ZBTB40: variants seen among roughly 807,000 people sequenced by gnomAD.
ZBTB40 encodes zinc finger and BTB domain-containing protein 40.
A neutral mutation model predicts 117.5 loss-of-function variants in ZBTB40; 60 were observed. That is an observed-to-expected ratio of 0.51 (90% CI 0.41 to 0.63). The LOEUF is 0.63. Among genes scored for constraint, ZBTB40 ranks in the 30% least tolerant of loss-of-function variants. ZBTB40 has a pLI of 0.00. For missense variants in ZBTB40, 1,287 were observed against 1,498.5 expected, an observed-to-expected ratio of 0.86 and a Z score of 2.33; for synonymous variants, 525 against 577.1, an observed-to-expected ratio of 0.91 and a Z score of 1.29.
At chr1:22,442,304 A>AAG (rs1293120155) in intron 1 of ZBTB40, among the ~76,000 whole-genome samples, 2 of 152,148 alleles carry the variant, frequency 1.3e-5, no homozygotes, top group African/African-American at 4.8e-5. Context: ...GAGAAAGGAC[A>AAG]AGAGAGAGAG....
Position 22,513,684 on chromosome 1 carries a change from G to C in ZBTB40, c.2668+554G>C, listed in dbSNP as rs146003479. ...CCACTGCACTCCAGCCTGGGCAACAGAGTGAGACTCCGTCTCAAAAATAAT... is the reference window on the plus strand; with the variant it reads ...CCACTGCACTCCAGCCTGGGCAACACAGTGAGACTCCGTCTCAAAAATAAT... On this transcript the variant is annotated intron_variant, in intron 12 of 17. Coordinates refer to ENST00000375647, the MANE Select transcript of ZBTB40 (RefSeq NM_014870.4). This position sits in a 1 kb window ranked among gnomAD's most constrained non-coding sequence, Gnocchi z 4.9. Among the ~76,000 whole-genome samples, 59 of 152,276 alleles carry C rather than the reference G, an allele frequency of 3.9e-4. No homozygotes were observed. In the East Asian group the frequency reaches 0.011, roughly 28 times the overall value.
Position 22,490,647 on chromosome 1 carries a change from T to G in ZBTB40, c.697+2T>G. On this transcript the variant is annotated splice_donor_variant, in intron 2 of 17. Coordinates refer to ENST00000375647, the MANE Select transcript of ZBTB40 (RefSeq NM_014870.4). LOFTEE classifies it high-confidence loss of function. ...CAAAGAAGACAAGCACAGAACCAGGTAACAGTCATTGTTTTATATTCCATC... is the reference window on the plus strand; with the variant it reads ...CAAAGAAGACAAGCACAGAACCAGGGAACAGTCATTGTTTTATATTCCATC... 1.2e-6 allele frequency: 2 copies of G among 1,612,592 alleles called. No homozygotes were observed. Among genetic ancestry groups the G allele is most frequent in the Non-Finnish European group, 1.7e-6 (2 of 1,179,694 alleles).
intron 13 of ZBTB40, among the ~76,000 whole-genome samples, chr1:22,519,118 C>G (rs1225404302): frequency 6.6e-6 from 1 of 152,188 alleles, no homozygotes; most frequent in East Asian, 1.9e-4. Flanking sequence ...CACAGGGAAA[C>G]TAGTTAGTGA....
chr1:22,476,962 T>A (rs1032486422), intron 1 of ZBTB40, among the ~76,000 whole-genome samples: 1 of 152,194 alleles, frequency 6.6e-6, no homozygotes, highest in African/African-American at 2.4e-5. Context: ...CCACATGACA[T>A]CTAGTGCTAT....
rs1639801782 is a variant in ZBTB40, at chr1:22,530,495, A to G, written c.*4099A>G. Reference sequence around the variant, plus strand: ...GGGACTACATTGCTGAAGGAAAAAAATCACTCCCTGGCTAATTAAGATTGC... The same window carrying G: ...GGGACTACATTGCTGAAGGAAAAAAGTCACTCCCTGGCTAATTAAGATTGC... On this transcript the variant is annotated 3_prime_UTR_variant, in exon 18 of 18. Transcript: ENST00000375647. The G allele has an allele frequency of 6.6e-6, 1 of 152,336 alleles. No homozygotes were observed. 9.4% of individuals were successfully genotyped at this position (152,336 alleles called of 1,614,324 possible). A position where few individuals can be genotyped will look rare whatever the true frequency, so the allele number is the denominator to read the frequency against.
chr1:22,480,104 G>A (rs1002991435), intron 1 of ZBTB40, among the ~76,000 whole-genome samples: 21 of 152,086 alleles, frequency 1.4e-4, no homozygotes, highest in African/African-American at 4.3e-4. Flanking sequence ...ACGGTGTTTC[G>A]CCGTGTTGGC....
intron 4 of ZBTB40, 26 bp from the exon 5 acceptor site, chr1:22,502,273 T>C: frequency 6.2e-7 from 1 of 1,609,576 alleles, no homozygotes; most frequent in Non-Finnish European, 8.5e-7. Flanking sequence ...GCTTCTCTTG[T>C]GTGTCTCTAA....
chr1:22,474,322 G>A (rs747998968), intron 1 of ZBTB40, among the ~76,000 whole-genome samples: 1 of 152,198 alleles, frequency 6.6e-6, no homozygotes, highest in Non-Finnish European at 1.5e-5. Context: ...ATGAACCCAG[G>A]AGTGTGAAAT....
chr1:22,473,437 G>A (rs188247008), intron 1 of ZBTB40, among the ~76,000 whole-genome samples: 1,560 of 152,288 alleles, frequency 0.01, 23 homozygotes, highest in Middle Eastern at 0.024. Flanking sequence ...GGGTTTAACT[G>A]TCTTGCTGGC....
chr1:22,505,995 G>A (rs1331302109), intron 5 of ZBTB40, 54 bp from the exon 6 acceptor site: 43 of 1,596,414 alleles, frequency 2.7e-5, no homozygotes, highest in Non-Finnish European at 3.4e-5. Flanking sequence ...TAGTGTGTCA[G>A]ATAAATGTTG....
intron 13 of ZBTB40, 45 bp downstream of exon 13, chr1:22,517,509 A>AGG (rs1639405146): frequency 6.3e-7 from 1 of 1,592,634 alleles, no homozygotes; most frequent in Non-Finnish European, 8.6e-7. Flanking sequence ...CCAGCCTGGC[A>AGG]CTGGGAAAGC....
In ZBTB40 at chr1:22,432,010, CA is replaced by C. The variant is rs561979283; in HGVS notation, c.-70+2997del. On this transcript the variant is annotated intron_variant, in intron 1 of 8. Coordinates refer to the ZBTB40 transcript ENST00000650433. ...AAAAAAAATATATTGAAACAACAGACATTTATTCTTGCATAGTTCTGGAGTA... is the reference window on the plus strand; with the variant it reads ...AAAAAAAATATATTGAAACAACAGACTTTATTCTTGCATAGTTCTGGAGTA... 4.6e-5 allele frequency among the ~76,000 whole-genome samples: 7 copies of C among 152,054 alleles called. No homozygotes were observed. The East Asian group carries it at 9.7e-4, about 21-fold the overall frequency.
chr1:22,483,976 G>T (rs948043723), intron 1 of ZBTB40, among the ~76,000 whole-genome samples: 2 of 152,184 alleles, frequency 1.3e-5, no homozygotes, highest in Non-Finnish European at 2.9e-5. Flanking sequence ...TGAATGTCCA[G>T]TTGGTTCCAG....
intron 1 of ZBTB40, among the ~76,000 whole-genome samples, chr1:22,455,689 T>G (rs934175631): frequency 2.6e-5 from 4 of 152,288 alleles, no homozygotes; most frequent in South Asian, 2.1e-4. Context: ...AGTATGAAAC[T>G]GCAAGAAGAG....
intron 1 of ZBTB40, among the ~76,000 whole-genome samples, chr1:22,489,367 G>A (rs1356731720): frequency 6.6e-6 from 1 of 152,204 alleles, no homozygotes; most frequent in African/African-American, 2.4e-5. Context: ...GGAGAACCAA[G>A]TGAAAAATGT....
At chr1:22,457,957 T>G (rs1173141492) in intron 1 of ZBTB40, among the ~76,000 whole-genome samples, 1 of 152,220 alleles carries the variant, frequency 6.6e-6, no homozygotes, top group Non-Finnish European at 1.5e-5. Flanking sequence ...ATTTGCCATC[T>G]TTCTTCCACC....
At position 22,465,751 on chromosome 1, in the gene ZBTB40, A is replaced by T. The variant is rs200302596; in HGVS notation, c.-70+13747A>T. Among the ~76,000 whole-genome samples the T allele has an allele frequency of 2.0e-5, 3 of 152,022 alleles. No homozygotes were observed. The East Asian group carries it at 5.8e-4, about 29-fold the overall frequency. ...GTGCAGGGATGCCTGAGTTGCAGCC[A>T]TGGTTTGGGGGGTTTCAGCTGCCCC... On this transcript the variant is annotated intron_variant, in intron 1 of 17. Coordinates refer to ENST00000375647, the MANE Select transcript of ZBTB40 (RefSeq NM_014870.4).
rs1172152821 is a variant in ZBTB40, at chr1:22,507,882, C to T, written c.1361-119C>T. 3 of 1,445,842 alleles carry T rather than the reference C, an allele frequency of 2.1e-6. No individual in the cohort carries two copies. In the East Asian group the frequency reaches 6.9e-5, roughly 33 times the overall value. The allele number at this position is 1,445,842 out of a possible 1,614,324, so 89.6% of individuals were successfully genotyped here. A position where few individuals can be genotyped will look rare whatever the true frequency, so the allele number is the denominator to read the frequency against. On this transcript the variant is annotated intron_variant, in intron 6 of 17. Coordinates refer to ENST00000375647, the MANE Select transcript of ZBTB40 (RefSeq NM_014870.4). Reference sequence around the variant, plus strand: ...TATGAGGCCCCAAGCCAGGGCTCTGCAGAGGACACTGAGCCCTTGTGCTGA... The same window carrying T: ...TATGAGGCCCCAAGCCAGGGCTCTGTAGAGGACACTGAGCCCTTGTGCTGA...
chr1:22,454,123 G>T lies in ZBTB40; in HGVS notation c.-70+2119G>T, dbSNP rs183649313. Among the ~76,000 whole-genome samples the T allele has an allele frequency of 4.9e-3, 742 of 152,058 alleles. 2 individuals are homozygous for T. The highest frequency in any genetic ancestry group is 0.011 in the South Asian group (52 of 4,798). On this transcript the variant is annotated intron_variant, in intron 1 of 17. Transcript: ENST00000375647. ...TGCCACGACACCCGGCTAATTTTTTGTGTGTTTTTAGTAGAGACAGAGTTT... is the reference window on the plus strand; with the variant it reads ...TGCCACGACACCCGGCTAATTTTTTTTGTGTTTTTAGTAGAGACAGAGTTT...
Sources: allele counts gnomAD v4.1 joint callset (sites outside exome capture counted in the v4.1 genomes callset), GRCh38; gene constraint gnomAD v4.1.1; non-coding constraint Gnocchi (gnomAD v3.1); transcripts MANE v1.5; gene names NCBI Gene and HGNC (gene_info 2026-07-23, HGNC 2026-07-21).